Variants in TAS1R1 observed in about 807,000 individuals in gnomAD.
TAS1R1 encodes the protein taste receptor type 1 member 1.
TAS1R1 carries 31 observed loss-of-function variants against 45.8 expected under a neutral mutation model. The observed-to-expected ratio is 0.68, with a 90% CI of 0.51 to 0.91. The LOEUF (loss-of-function observed/expected upper bound fraction) is 0.91, where lower values mean the gene tolerates loss of function less well. Ranked by LOEUF, TAS1R1 falls within the 40% of genes least tolerant of loss-of-function variation. The probability of loss-of-function intolerance (pLI) is 0.00; values close to 1 mark genes in which losing one functional copy is unlikely to be tolerated. For synonymous variants in TAS1R1, 437 were observed against 448.4 expected (o/e 0.97, Z 0.32); for missense variants, 1,051 against 1,063.9 (o/e 0.99, Z 0.17).
At chr1:6,555,715 T>C (rs951055677) in intron 1 of TAS1R1, 151 bp downstream of exon 1, 1 of 692,084 alleles carries the variant, frequency 1.4e-6, no homozygotes, top group Non-Finnish European at 2.4e-6. Flanking sequence ...ACCTAAGTGC[T>C]GGCTAGACCT....
rs1640187488 is a variant in TAS1R1, at chr1:6,576,707, A to G, written c.1473+80A>G. ...TGGGGGTGATGCTGACACAGTGTAC[A>G]GGGAGCAGGAGGGGGGCCCCAGGGG... On this transcript the variant is annotated intron_variant, in intron 4 of 5. Coordinates refer to ENST00000333172, the MANE Select transcript of TAS1R1 (RefSeq NM_138697.4). The G allele has an allele frequency of 2.6e-6, 4 of 1,532,482 alleles. No individual in the cohort carries two copies. The South Asian group carries it at 3.6e-5, about 14-fold the overall frequency. 94.9% of individuals were successfully genotyped at this position (1,532,482 alleles called of 1,614,324 possible).
At chr1:6,557,032 C>T (rs752429840) in intron 1 of TAS1R1, among the ~76,000 whole-genome samples, 7 of 139,762 alleles carry the variant, frequency 5.0e-5, no homozygotes, top group Non-Finnish European at 1.1e-4. Flanking sequence ...AAAAAAAAGA[C>T]GAAGACAGTT....
At chr1:6,564,637 T>C (rs1190456428) in intron 1 of TAS1R1, among the ~76,000 whole-genome samples, 2 of 152,158 alleles carry the variant, frequency 1.3e-5, no homozygotes, top group Admixed American at 6.5e-5. Context: ...CACTGGACGC[T>C]GAGGGACTGA....
chr1:6,570,855 G>T lies in TAS1R1; in HGVS notation c.192-54G>T, dbSNP rs111845500. On this transcript the variant is annotated intron_variant, in intron 1 of 5. Coordinates refer to ENST00000333172, the MANE Select transcript of TAS1R1 (RefSeq NM_138697.4). ...AGCCTCAGAGTCTAGGAGGCCAGAGGGTCTCAGCAGGCCTTTGTCCTTCTC... is the reference window on the plus strand; with the variant it reads ...AGCCTCAGAGTCTAGGAGGCCAGAGTGTCTCAGCAGGCCTTTGTCCTTCTC... The T allele has an allele frequency of 6.6e-6, 10 of 1,504,396 alleles. No individual in the cohort carries two copies. In the African/African-American group the frequency reaches 9.7e-5, roughly 15 times the overall value. 93.2% of individuals were successfully genotyped at this position (1,504,396 alleles called of 1,614,324 possible).
rs745782493 is a variant in TAS1R1, at chr1:6,574,865, A to G, written c.733A>G (p.Met245Val). ...GATCTGCATTGCTTTCAAGGACATC[A>G]TGCCCTTCTCTGCCCAGGTGGGCGA... ...QGICIAFKDI[M>V]PFSAQVGDER... Residue 245 changes from methionine to valine, a missense_variant, in exon 3 of 6, where the codon ATG becomes GTG. Physicochemically the swap from Met to Val is conservative, Grantham distance 21. Transcript: ENST00000333172. The surrounding 1 kb of genome is among the most constrained non-coding windows in gnomAD (Gnocchi z 4.3). The G allele has an allele frequency of 6.2e-7, 1 of 1,614,242 alleles. No individual in the cohort carries two copies. Among genetic ancestry groups the G allele is most frequent in the East Asian group, 2.2e-5 (1 of 44,888 alleles).
chr1:6,571,082 C>T lies in TAS1R1; in HGVS notation c.365C>T (p.Pro122Leu). 6.2e-7 allele frequency: 1 copy of T among 1,614,142 alleles called. No individual in the cohort carries two copies. Among genetic ancestry groups the T allele is most frequent in the Non-Finnish European group, 8.5e-7 (1 of 1,180,000 alleles). Residue 122 changes from proline (P) to leucine (L), a missense_variant, in exon 2 of 6, where the codon CCA becomes CTA. Pro to Leu is a moderately conservative substitution (Grantham distance 98). Transcript: ENST00000333172. ...GCCACGCTGAGAGTGCTCTCCCTGC[C>T]AGGGCAACACCACATAGAGCTCCAA... is the stretch of plus-strand genomic sequence containing the variant. ...VYATLRVLSL[P>L]GQHHIELQGD...
intron 5 of TAS1R1, 146 bp downstream of exon 5, chr1:6,577,216 C>T: frequency 8.1e-7 from 1 of 1,233,292 alleles, no homozygotes; most frequent in Admixed American, 2.6e-5. Context: ...TGGAGGACAC[C>T]TGCTACCAGA....
intron 1 of TAS1R1, 100 bp downstream of exon 1, chr1:6,555,664 C>A: frequency 1.7e-6 from 2 of 1,151,222 alleles, no homozygotes; most frequent in Non-Finnish European, 2.4e-6. Context: ...TGCCTTTGCC[C>A]CTTGAACTGT....
Position 6,571,090 on chromosome 1 carries a change from C to T in TAS1R1, c.373C>T (p.His125Tyr), listed in dbSNP as rs773677648. ...TLRVLSLPGQ[H>Y]HIELQGDLLH... ...GAGAGTGCTCTCCCTGCCAGGGCAA[C>T]ACCACATAGAGCTCCAAGGAGACCT... is the stretch of plus-strand genomic sequence containing the variant. Residue 125 changes from histidine to tyrosine, a missense_variant, in exon 2 of 6, where the codon CAC (histidine) becomes TAC (tyrosine). Physicochemically the swap from His to Tyr is moderately conservative, Grantham distance 83. Transcript: ENST00000333172. 2.5e-6 allele frequency: 4 copies of T among 1,614,004 alleles called. No individual in the cohort carries two copies. Among genetic ancestry groups the T allele is most frequent in the Admixed American group, 3.3e-5 (2 of 59,984 alleles).
intron 1 of TAS1R1, among the ~76,000 whole-genome samples, chr1:6,559,139 C>T (rs1369816290): frequency 6.6e-6 from 1 of 151,964 alleles, no homozygotes; most frequent in African/African-American, 2.4e-5. Flanking sequence ...GTGATCCACC[C>T]GCCTCGGCCT....
intron 1 of TAS1R1, among the ~76,000 whole-genome samples, chr1:6,561,304 C>T (rs912230878): frequency 2.0e-5 from 3 of 152,298 alleles, no homozygotes; most frequent in South Asian, 2.1e-4. Flanking sequence ...TCGTACTAGT[C>T]CTGACTGGTT....
In TAS1R1 at chr1:6,579,049, C is replaced by G. The variant is rs1336277335; in HGVS notation, c.1991C>G (p.Thr664Ser). 1 of 1,612,856 alleles carries G rather than the reference C, an allele frequency of 6.2e-7. No homozygotes were observed. Among genetic ancestry groups the G allele is most frequent in the Admixed American group, 1.7e-5 (1 of 59,956 alleles). Residue 664 changes from threonine (T) to serine (S), a missense_variant, in exon 6 of 6, where the codon ACC becomes AGC. Transcript: ENST00000333172. ...CTAATCATCATCTTCAAGTTTTCCA[C>G]CAAGGTACCTACATTCTACCACGCC... ...FQLIIIFKFS[T>S]KVPTFYHAWV... is the part of the protein sequence containing the mutation.
At position 6,563,957 on chromosome 1, in the gene TAS1R1, T is replaced by C. The variant is rs116273275; in HGVS notation, c.192-6952T>C. Among the ~76,000 whole-genome samples, 1,260 of 151,988 alleles carry C rather than the reference T, an allele frequency of 8.3e-3. 9 individuals carry two copies. Among genetic ancestry groups the C allele is most frequent in the Non-Finnish European group, 0.013 (855 of 67,970 alleles). On this transcript the variant is annotated intron_variant, in intron 1 of 5. Transcript: ENST00000333172. ...GCAAGGTAGGCAGGAACAGGGCATT[T>C]GAGAGAAATCAGGAATGTACTTGGG...
At chr1:6,556,385 T>TTCTATCTATCTATCTATCTATCTATCTA (rs35268740) in intron 1 of TAS1R1, among the ~76,000 whole-genome samples, 30 of 150,236 alleles carry the variant, frequency 2.0e-4, no homozygotes, top group African/African-American at 6.6e-4. Flanking sequence ...TTTCTTTTAT[T>TTCTATCTATCTATCTATCTATCTATCTA]TCTATCTATC....
chr1:6,570,833 C>T (rs1212551082), intron 1 of TAS1R1, 76 bp from the exon 2 acceptor site: 2 of 1,390,850 alleles, frequency 1.4e-6, no homozygotes, highest in African/African-American at 2.9e-5. Context: ...GCTCCCAAGC[C>T]TCAGAGTCTA....
chr1:6,568,592 A>C (rs530499607), intron 1 of TAS1R1, among the ~76,000 whole-genome samples: 2 of 152,246 alleles, frequency 1.3e-5, no homozygotes, highest in East Asian at 3.9e-4. Flanking sequence ...AAGTTTCTTT[A>C]AGTTTTTCAA....
chr1:6,566,509 A>G (rs2148669729), intron 1 of TAS1R1, among the ~76,000 whole-genome samples: 1 of 152,276 alleles, frequency 6.6e-6, no homozygotes, highest in East Asian at 1.9e-4. Flanking sequence ...TGTGTTGGTC[A>G]AAGAAGACCA....
At chr1:6,573,750 C>T (rs1488990781) in intron 2 of TAS1R1, among the ~76,000 whole-genome samples, 1 of 151,910 alleles carries the variant, frequency 6.6e-6, no homozygotes, top group Non-Finnish European at 1.5e-5. Context: ...GCAAGCTCCG[C>T]CTCCCGGGTT....
intron 2 of TAS1R1, among the ~76,000 whole-genome samples, chr1:6,573,731 C>T (rs895880411): frequency 2.0e-5 from 3 of 151,768 alleles, no homozygotes; most frequent in African/African-American, 7.3e-5. Context: ...GGCGCGATCT[C>T]GACTCACTGC....
Sources: gnomAD v4.1 joint callset for allele counts (sites outside exome capture counted in the v4.1 genomes callset) on GRCh38, gnomAD v4.1.1 for gene constraint, Gnocchi (gnomAD v3.1) non-coding constraint, MANE v1.5 for transcripts, NCBI Gene and HGNC (gene_info 2026-07-23, HGNC 2026-07-21) for gene names.